The following HCLS1 variants were observed in gnomAD, a reference collection of about 807,000 sequenced individuals.
HCLS1 encodes hematopoietic lineage cell-specific protein.
A neutral mutation model predicts 68.6 loss-of-function variants in HCLS1; 44 were observed. That is an observed-to-expected ratio of 0.64 (90% confidence interval 0.50 to 0.82). HCLS1 has a LOEUF of 0.82. Ranked by LOEUF, HCLS1 falls within the 40% of genes least tolerant of loss-of-function variation. HCLS1 has a pLI of 0.00. For synonymous variants in HCLS1, 217 were observed against 225.8 expected, an observed-to-expected ratio of 0.96 and a Z score of 0.35; for missense variants, 602 against 612.1, an observed-to-expected ratio of 0.98 and a Z score of 0.17.
At chr3:121,649,607 G>A (rs1216251560) in intron 3 of HCLS1, among the ~76,000 whole-genome samples, 1 of 152,164 alleles carries the variant, frequency 6.6e-6, no homozygotes, top group African/African-American at 2.4e-5. Context: ...GTGAGGTACT[G>A]TTAGGCTCTG....
chr3:121,632,617 T>A, intron 11 of HCLS1, 54 bp from the exon 12 acceptor site: 1 of 1,532,060 alleles, frequency 6.5e-7, no homozygotes, highest in Non-Finnish European at 8.9e-7. Context: ...GAGGAATCAA[T>A]GGAGGACTGA....
chr3:121,638,403 G>A (rs180873811), intron 6 of HCLS1, among the ~76,000 whole-genome samples: 7 of 152,242 alleles, frequency 4.6e-5, no homozygotes, highest in Non-Finnish European at 8.8e-5. Flanking sequence ...GATTAGGATC[G>A]AGGCTCTGTG....
chr3:121,638,663 G>T (rs1377060534), intron 6 of HCLS1, among the ~76,000 whole-genome samples: 2 of 152,128 alleles, frequency 1.3e-5, no homozygotes, highest in African/African-American at 4.8e-5. Flanking sequence ...GGAATTCTAA[G>T]CTGAGAAATT....
At chr3:121,636,304 C>A (rs1325505050) in intron 8 of HCLS1, 130 bp downstream of exon 8, 2 of 744,970 alleles carry the variant, frequency 2.7e-6, no homozygotes, top group East Asian at 2.5e-5. Flanking sequence ...CTGCAGGACG[C>A]CAGCAGGACA....
intron 3 of HCLS1, among the ~76,000 whole-genome samples, chr3:121,652,640 A>T (rs1937775357): frequency 6.6e-6 from 1 of 152,190 alleles, no homozygotes. Flanking sequence ...AGCCTGGATG[A>T]CAGAGCGAAA....
At position 121,632,467 on chromosome 3, in the gene HCLS1, C is replaced by T. The variant is rs771607958; in HGVS notation, c.1105G>A (p.Glu369Lys). 33 of 1,613,758 alleles carry T rather than the reference C, an allele frequency of 2.0e-5. No individual in the cohort carries two copies. Among genetic ancestry groups the T allele is most frequent in the Admixed American group, 1.5e-4 (9 of 60,008 alleles). Residue 369 changes from glutamate to lysine, a missense_variant, in exon 12 of 14, where the codon GAG (glutamate) becomes AAG (lysine). By Grantham distance (56) the Glu-to-Lys change is moderately conservative. Coordinates refer to ENST00000314583, the MANE Select transcript of HCLS1 (RefSeq NM_005335.6). ...TCATTCTCAGGCTCGGGCTCAGGCT[C>T]GGGCTCAGGCTCAGGCTCTGCTTCG... Reference protein sequence around the residue: ...VYEAEPEPEPEPEPEPENDYE... With the variant: ...VYEAEPEPEPKPEPEPENDYE...
intron 13 of HCLS1, 31 bp downstream of exon 13, chr3:121,632,070 T>C (rs945532274): frequency 6.2e-7 from 1 of 1,612,850 alleles, no homozygotes; most frequent in Non-Finnish European, 8.5e-7. Context: ...GGCCTCCATG[T>C]ACCAGGCTCC....
At chr3:121,647,481 T>G (rs770677587) in intron 3 of HCLS1, 33 bp from the exon 4 acceptor site, 1 of 1,610,062 alleles carries the variant, frequency 6.2e-7, no homozygotes, top group Non-Finnish European at 8.5e-7. Flanking sequence ...GGCTCATCTA[T>G]CCTAGGGAGA....
chr3:121,636,973 C>T (rs1560138222), intron 7 of HCLS1, among the ~76,000 whole-genome samples, 173 bp downstream of exon 7: 1 of 152,032 alleles, frequency 6.6e-6, no homozygotes, highest in African/African-American at 2.4e-5. Flanking sequence ...CTCCATCTCT[C>T]CTCTCTCCCC....
chr3:121,657,430 C>T, intron 2 of HCLS1, 78 bp from the exon 3 acceptor site: 1 of 1,225,220 alleles, frequency 8.2e-7, no homozygotes, highest in South Asian at 1.2e-5. Context: ...CTGACACATG[C>T]CCTCCATGTC....
At chr3:121,640,309 G>C (rs2049184586) in intron 6 of HCLS1, among the ~76,000 whole-genome samples, 1 of 152,048 alleles carries the variant, frequency 6.6e-6, no homozygotes, top group Admixed American at 6.6e-5. Context: ...AGAAGTAGAG[G>C]CAATATTTCC....
intron 3 of HCLS1, chr3:121,654,205 GCACTATAGCCCAGAACTA>G: frequency 6.6e-6 from 1 of 152,352 alleles, no homozygotes; most frequent in Admixed American, 6.5e-5. Flanking sequence ...TCAGCATAGA[GCACTATAGCCCAGAACTA>G]CTGGACTCAA....
intron 6 of HCLS1, among the ~76,000 whole-genome samples, chr3:121,640,783 AGGGG>A (rs2049189721): frequency 3.0e-4 from 2 of 6,650 alleles, no homozygotes; most frequent in Admixed American, 8.7e-4. Flanking sequence ...AGGCAAGGGA[AGGGG>A]AGGGGAGGGG....
At chr3:121,636,616 T>C (rs1224580673) in intron 7 of HCLS1, 127 bp from the exon 8 acceptor site, 9 of 745,450 alleles carry the variant, frequency 1.2e-5, no homozygotes, top group Non-Finnish European at 2.1e-5. Flanking sequence ...AATCAGAGGA[T>C]AGAGGGAGGC....
intron 3 of HCLS1, among the ~76,000 whole-genome samples, chr3:121,652,763 GTAT>G (rs1197447765): frequency 6.6e-6 from 1 of 152,196 alleles, no homozygotes; most frequent in Non-Finnish European, 1.5e-5. Context: ...AGTGATTGTA[GTAT>G]TATTAAGGCC....
At chr3:121,635,620 C>G in intron 9 of HCLS1, 115 bp downstream of exon 9, 1 of 793,836 alleles carries the variant, frequency 1.3e-6, no homozygotes, top group Non-Finnish European at 2.2e-6. Flanking sequence ...GGATAGGGAT[C>G]AGGTCTAACT....
At chr3:121,639,084 A>C (rs2049175356) in intron 6 of HCLS1, among the ~76,000 whole-genome samples, 1 of 152,130 alleles carries the variant, frequency 6.6e-6, no homozygotes, top group Non-Finnish European at 1.5e-5. Flanking sequence ...ACAGAAGTAG[A>C]AAGAGAAATA....
chr3:121,653,175 CTT>C (rs376854611), intron 3 of HCLS1, among the ~76,000 whole-genome samples: 223 of 152,230 alleles, frequency 1.5e-3, no homozygotes, highest in African/African-American at 4.9e-3. Flanking sequence ...ATGAAGGTAA[CTT>C]TATTTTTCCC....
At chr3:121,660,342 G>A (rs1328791169) in intron 1 of HCLS1, among the ~76,000 whole-genome samples, 2 of 152,210 alleles carry the variant, frequency 1.3e-5, no homozygotes, top group African/African-American at 4.8e-5. Context: ...ACTAGCCCCA[G>A]CAGAACAATC....
Sources: gnomAD v4.1 joint callset for allele counts (sites outside exome capture counted in the v4.1 genomes callset) on GRCh38, gnomAD v4.1.1 for gene constraint, MANE v1.5 for transcripts, NCBI Gene and HGNC (gene_info 2026-07-23, HGNC 2026-07-21) for gene names.